TCF20: variants seen among roughly 807,000 people sequenced by gnomAD.
TCF20 encodes the protein transcription factor 20, also known as SPRE-binding protein.
TCF20 carries 3 observed loss-of-function variants against 148.6 expected under a neutral mutation model. That is an observed-to-expected ratio of 0.02 (90% CI 0.01 to 0.05). The LOEUF is 0.05. TCF20 is among the 10% of genes least tolerant of loss of function. TCF20 has a pLI of 1.00. For missense variants in TCF20, 2,350 were observed against 2,429.3 expected, an observed-to-expected ratio of 0.97 and a Z score of 0.69; for synonymous variants, 1,049 against 909.5, an observed-to-expected ratio of 1.15 and a Z score of -2.76.
In TCF20 at chr22:42,214,787, G is replaced by A. The variant is rs142871472; in HGVS notation, c.519C>T (p.Ser173=). ...GSAQYQQQAS[S]QQQQQQVQQL... The stretch of plus-strand genomic sequence containing the variant: ...GCTGGACTTGCTGCTGCTGCTGCTG[G>A]CTGGAAGCCTGCTGTTGGTACTGAG... Residue 173 remains serine (S), a synonymous_variant, in exon 2 of 6, where the codon AGC becomes AGT. Transcript: ENST00000677622. The A allele has an allele frequency of 0.017, 27,821 of 1,614,066 alleles. 309 individuals are homozygous for A. The highest frequency in any genetic ancestry group is 0.029 in the South Asian group (2,676 of 91,086).
chr22:42,332,539 T>C (rs188387097), intron 1 of TCF20, among the ~76,000 whole-genome samples: 2 of 152,292 alleles, frequency 1.3e-5, no homozygotes, highest in Non-Finnish European at 2.9e-5. Context: ...CTCGCTCTGT[T>C]GTTGCCTAGG....
chr22:42,220,576 T>A (rs1050314183), intron 1 of TCF20, among the ~76,000 whole-genome samples: 1 of 152,162 alleles, frequency 6.6e-6, no homozygotes, highest in Admixed American at 6.6e-5. Flanking sequence ...CAATGATGCA[T>A]CTAGTTATAG....
intron 1 of TCF20, among the ~76,000 whole-genome samples, chr22:42,340,130 C>G (rs7288345): frequency 0.12 from 18,141 of 152,208 alleles, 1,193 homozygotes; most frequent in Admixed American, 0.15. Context: ...TTCTGCTTCA[C>G]TGGCCCCCTT....
At position 42,213,244 on chromosome 22, in the gene TCF20, C is replaced by T. The variant is rs755315170; in HGVS notation, c.2062G>A (p.Ala688Thr). Residue 688 changes from alanine to threonine, a missense_variant, in exon 2 of 6, where the codon GCG becomes ACG. Physicochemically the swap from Ala to Thr is moderately conservative, Grantham distance 58. This residue lies in a region of TCF20 where 1,641 missense variants were observed against 1,662.6 expected (regional missense o/e 0.99). Transcript: ENST00000677622. ...GTTCTGCTCGTAAAACCAGGGCCCG[C>T]TGCAGAGTGGCCACTCTGGCCATTT... ...EGNGQSGHSA[A>T]GPGFTSRTEP... 3 of 1,614,056 alleles carry T rather than the reference C, an allele frequency of 1.9e-6. No homozygotes were observed. The highest frequency in any genetic ancestry group is 1.7e-5 in the Admixed American group (1 of 60,000).
chr22:42,320,236 C>T (rs1927707425), intron 1 of TCF20, among the ~76,000 whole-genome samples: 1 of 152,202 alleles, frequency 6.6e-6, no homozygotes, highest in South Asian at 2.1e-4. Context: ...AAGTTCTGTT[C>T]TGCCCACCTA....
At chr22:42,165,555 T>C (rs919816562) in intron 5 of TCF20, among the ~76,000 whole-genome samples, 36 of 152,190 alleles carry the variant, frequency 2.4e-4, no homozygotes. Context: ...CAGAAGGACT[T>C]TTCCCCTCCG....
At chr22:42,324,548 C>T (rs951710331) in intron 1 of TCF20, among the ~76,000 whole-genome samples, 4 of 152,114 alleles carry the variant, frequency 2.6e-5, no homozygotes, top group South Asian at 4.2e-4. Flanking sequence ...AAAATAATCT[C>T]CACCATTTGA....
intron 1 of TCF20, among the ~76,000 whole-genome samples, chr22:42,220,552 C>T (rs1922265663): frequency 6.6e-6 from 1 of 152,120 alleles, no homozygotes; most frequent in African/African-American, 2.4e-5. Context: ...GCCTTTAAAT[C>T]CTCAAGACAT....
upstream of TCF20, chr22:42,274,231 A>G (rs1926719400): frequency 6.6e-6 from 1 of 152,662 alleles, no homozygotes; most frequent in Non-Finnish European, 1.5e-5. Context: ...GAAACTCCCC[A>G]CAGCCTCCTG....
chr22:42,309,557 C>A (rs945672420), intron 1 of TCF20, among the ~76,000 whole-genome samples: 1 of 151,974 alleles, frequency 6.6e-6, no homozygotes, highest in Non-Finnish European at 1.5e-5. Context: ...TCCCCACATT[C>A]AGGAGTTCCC....
chr22:42,189,998 G>A (rs1937248125), intron 2 of TCF20, among the ~76,000 whole-genome samples: 1 of 152,196 alleles, frequency 6.6e-6, no homozygotes, highest in African/African-American at 2.4e-5. Flanking sequence ...TAGCAGCAGG[G>A]CTAAAAGAAA....
intron 2 of TCF20, among the ~76,000 whole-genome samples, chr22:42,196,051 G>A (rs761680569): frequency 6.6e-6 from 1 of 152,204 alleles, no homozygotes; most frequent in South Asian, 2.1e-4. Context: ...AGCTTAGCTG[G>A]GCATTTGCAT....
At chr22:42,266,738 C>A (rs902441046) in intron 1 of TCF20, among the ~76,000 whole-genome samples, 1 of 152,094 alleles carries the variant, frequency 6.6e-6, no homozygotes, top group Non-Finnish European at 1.5e-5. Context: ...GAGACTGTGC[C>A]ACTGCACTCC....
chr22:42,167,507 G>A (rs1005682585), intron 5 of TCF20, among the ~76,000 whole-genome samples: 7 of 150,358 alleles, frequency 4.7e-5, no homozygotes, highest in African/African-American at 1.7e-4. Context: ...AGCAGCAAGT[G>A]CCACAAGGTA....
intron 1 of TCF20, among the ~76,000 whole-genome samples, chr22:42,218,265 T>TG (rs1489061646): frequency 6.6e-6 from 1 of 152,202 alleles, no homozygotes; most frequent in African/African-American, 2.4e-5. Flanking sequence ...GTCTTCCACA[T>TG]GGTCAGTAAA....
chr22:42,180,715 G>T (rs776911249), intron 2 of TCF20, among the ~76,000 whole-genome samples: 18 of 152,150 alleles, frequency 1.2e-4, no homozygotes, highest in Non-Finnish European at 2.2e-4. Flanking sequence ...CCAAGCGCTC[G>T]CCACGCTCAG....
At chr22:42,170,369 G>A (rs1279459602) in intron 3 of TCF20, among the ~76,000 whole-genome samples, 2 of 151,486 alleles carry the variant, frequency 1.3e-5, no homozygotes, top group East Asian at 3.9e-4. Flanking sequence ...AAGGCTGGGT[G>A]TGATGGCACT....
chr22:42,302,781 G>A (rs1015251848), intron 1 of TCF20, among the ~76,000 whole-genome samples: 9 of 152,188 alleles, frequency 5.9e-5, no homozygotes, highest in African/African-American at 1.2e-4. Context: ...CTGTAGTTCC[G>A]GAACAATTTC....
chr22:42,321,193 C>T (rs1377100637), intron 1 of TCF20, among the ~76,000 whole-genome samples: 1 of 152,182 alleles, frequency 6.6e-6, no homozygotes, highest in Admixed American at 6.5e-5. Context: ...CTCTCAGTGA[C>T]GGACAGAGGC....
Sources: allele counts gnomAD v4.1 joint callset (sites outside exome capture counted in the v4.1 genomes callset), GRCh38; gene constraint gnomAD v4.1.1; regional missense constraint gnomAD v4.1.1; transcripts MANE v1.5; gene names NCBI Gene and HGNC (gene_info 2026-07-23, HGNC 2026-07-21).